Variants in SPATS2L observed in about 807,000 individuals in gnomAD.
The protein encoded by SPATS2L is spermatogenesis associated serine rich 2 like, also known as SPATS2-like protein.
Under a neutral mutation model 59.6 loss-of-function variants are expected in SPATS2L, and 30 were observed. That is an observed-to-expected ratio of 0.50 (90% CI 0.38 to 0.68). The LOEUF is 0.68. Ranked by LOEUF, SPATS2L falls within the 30% of genes least tolerant of loss-of-function variation. The probability of loss-of-function intolerance (pLI) is 0.00; values close to 1 mark genes in which losing one functional copy is unlikely to be tolerated. For synonymous variants in SPATS2L, 252 were observed against 263.5 expected, an observed-to-expected ratio of 0.96 and a Z score of 0.42; for missense variants, 615 against 700.0, an observed-to-expected ratio of 0.88 and a Z score of 1.37.
chr2:200,346,651 T>C (rs183596600), intron 2 of SPATS2L, among the ~76,000 whole-genome samples: 1 of 152,334 alleles, frequency 6.6e-6, no homozygotes, highest in East Asian at 1.9e-4. Context: ...TCTTCGTGAC[T>C]ACTGAAAAAA....
rs533191074 is a variant in SPATS2L, at chr2:200,453,616, C to T, written c.789-6153C>T. Among the ~76,000 whole-genome samples the T allele has an allele frequency of 2.6e-5, 4 of 152,252 alleles. No homozygotes were observed. The South Asian group carries it at 6.2e-4, about 24-fold the overall frequency. On this transcript the variant is annotated intron_variant, in intron 8 of 12. Transcript: ENST00000409140. ...CACAGATGCTCAGTGCTAGCTAGTA[C>T]GGGGCAACTGTAGCTTGCCAGCTCA...
chr2:200,340,230 C>T (rs2080277612), intron 2 of SPATS2L, among the ~76,000 whole-genome samples: 2 of 152,170 alleles, frequency 1.3e-5, no homozygotes, highest in Non-Finnish European at 2.9e-5. Context: ...CAGAGTTTAT[C>T]TGCCCTGCAC....
At chr2:200,306,116 G>A (rs1162158611), upstream of SPATS2L, 1 of 987,344 alleles carries the variant, frequency 1.0e-6, no homozygotes, top group African/African-American at 1.7e-5. Context: ...GGGTTTCCAA[G>A]GGCTGACCCG....
At chr2:200,343,999 T>A (rs1168638050) in intron 2 of SPATS2L, among the ~76,000 whole-genome samples, 2 of 152,046 alleles carry the variant, frequency 1.3e-5, no homozygotes, top group Non-Finnish European at 1.5e-5. Context: ...TCTGAACATA[T>A]ACTGCTTTCA....
intron 2 of SPATS2L, among the ~76,000 whole-genome samples, chr2:200,374,714 C>A (rs1208968273): frequency 6.6e-6 from 1 of 152,134 alleles, no homozygotes. Flanking sequence ...CTCTACGAAT[C>A]GGCCAAGAAT....
At chr2:200,468,035 G>A (rs2086720673) in intron 10 of SPATS2L, among the ~76,000 whole-genome samples, 1 of 152,016 alleles carries the variant, frequency 6.6e-6, no homozygotes, top group East Asian at 1.9e-4. Context: ...GAACTGGGGT[G>A]GCTCTGGTGA....
At chr2:200,422,215 A>C (rs549656482) in intron 6 of SPATS2L, among the ~76,000 whole-genome samples, 1 of 152,332 alleles carries the variant, frequency 6.6e-6, no homozygotes, top group South Asian at 2.1e-4. Flanking sequence ...GATTCATTAC[A>C]AATGTCTGTG....
intron 8 of SPATS2L, among the ~76,000 whole-genome samples, chr2:200,448,074 G>C (rs2881744): frequency 0.3 from 44,879 of 151,978 alleles, 7,873 homozygotes; most frequent in Non-Finnish European, 0.41. Context: ...GAGCCCCCAG[G>C]TTGAGGCTGT....
intron 6 of SPATS2L, among the ~76,000 whole-genome samples, chr2:200,438,330 A>G (rs1204591682): frequency 6.6e-6 from 1 of 152,154 alleles, no homozygotes; most frequent in East Asian, 1.9e-4. Flanking sequence ...TCAAGAGCAC[A>G]CTGGCTTCCC....
chr2:200,322,833 G>A (rs2079609795), intron 1 of SPATS2L, among the ~76,000 whole-genome samples: 1 of 152,152 alleles, frequency 6.6e-6, no homozygotes, highest in Admixed American at 6.6e-5. Flanking sequence ...CCCAACTCTA[G>A]GAGTAATATT....
intron 2 of SPATS2L, chr2:200,372,390 G>A (rs931149672): frequency 6.4e-6 from 1 of 157,168 alleles, no homozygotes; most frequent in African/African-American, 2.4e-5. Flanking sequence ...CAGGAATAAA[G>A]GGAAAGGAAC....
chr2:200,308,080 A>G (rs949428086), intron 1 of SPATS2L, among the ~76,000 whole-genome samples: 3 of 152,210 alleles, frequency 2.0e-5, no homozygotes, highest in Non-Finnish European at 4.4e-5. Context: ...TTATACCAGT[A>G]CTTGAAATAG....
chr2:200,334,675 G>T (rs2080078944), intron 2 of SPATS2L, among the ~76,000 whole-genome samples: 1 of 151,806 alleles, frequency 6.6e-6, no homozygotes, highest in African/African-American at 2.4e-5. Context: ...AATCCATCTT[G>T]AATTGATTTT....
rs376462344 is a variant in SPATS2L at position 200,400,922 on chromosome 2, G to A, written c.40-11389G>A. 2.6e-5 allele frequency among the ~76,000 whole-genome samples: 4 copies of A among 152,298 alleles called. No homozygotes were observed. In the East Asian group the frequency reaches 7.7e-4, roughly 29 times the overall value. ...TATCTTTAACTATTTGAAGCCAACT[G>A]TATTTTTCAAAGAGACAACAATAGT... On this transcript the variant is annotated intron_variant, in intron 3 of 12. Transcript: ENST00000409140.
intron 8 of SPATS2L, among the ~76,000 whole-genome samples, chr2:200,454,997 G>A (rs35893078): frequency 0.41 from 62,944 of 152,106 alleles, 13,792 homozygotes; most frequent in East Asian, 0.58. Flanking sequence ...TTTGCAAACT[G>A]CCTGTTTTGA....
chr2:200,419,548 C>T, intron 6 of SPATS2L, 52 bp downstream of exon 6: 1 of 1,593,666 alleles, frequency 6.3e-7, no homozygotes, highest in Non-Finnish European at 8.6e-7. Context: ...GAAAAGAGCA[C>T]AAAGGGAGCT....
chr2:200,357,787 T>C (rs1043205471), intron 2 of SPATS2L, among the ~76,000 whole-genome samples: 1 of 152,184 alleles, frequency 6.6e-6, no homozygotes, highest in Non-Finnish European at 1.5e-5. Flanking sequence ...GCACTGGGTT[T>C]TAAAGTCTTC....
At chr2:200,391,436 T>A (rs2082170499) in intron 3 of SPATS2L, among the ~76,000 whole-genome samples, 1 of 152,244 alleles carries the variant, frequency 6.6e-6, no homozygotes, top group Admixed American at 6.5e-5. Flanking sequence ...TGTAATCACA[T>A]GTAGTTTATT....
At chr2:200,328,072 C>T (rs543039245) in intron 1 of SPATS2L, among the ~76,000 whole-genome samples, 163 of 152,310 alleles carry the variant, frequency 1.1e-3, no homozygotes, top group African/African-American at 3.8e-3. Flanking sequence ...TTTTCACAGA[C>T]ATTCTTACCC....
Sources: gnomAD v4.1 joint callset for allele counts (sites outside exome capture counted in the v4.1 genomes callset) on GRCh38, gnomAD v4.1.1 for gene constraint, MANE v1.5 for transcripts, NCBI Gene and HGNC (gene_info 2026-07-23, HGNC 2026-07-21) for gene names.